The following NOL4 variants were observed in gnomAD, a reference collection of about 807,000 sequenced individuals.
NOL4 encodes the protein cancer/testis antigen 125.
In NOL4, 17 loss-of-function variants were observed where a neutral mutation model predicts 75.9. The observed-to-expected ratio is 0.22, with a 90% CI of 0.15 to 0.34. The LOEUF is 0.34. NOL4 is among the 10% of genes least tolerant of loss of function. The pLI is 1.00. For missense variants in NOL4, 614 were observed against 793.5 expected, an observed-to-expected ratio of 0.77 and a Z score of 2.72; for synonymous variants, 292 against 289.9, an observed-to-expected ratio of 1.01 and a Z score of -0.07.
At chr18:34,005,012 T>C (rs1055080235) in intron 6 of NOL4, among the ~76,000 whole-genome samples, 1 of 152,116 alleles carries the variant, frequency 6.6e-6, no homozygotes, top group Non-Finnish European at 1.5e-5. Context: ...AACTGCTAAA[T>C]TCAACTGAAA....
chr18:34,209,890 A>C (rs2036395907), intron 1 of NOL4, among the ~76,000 whole-genome samples: 1 of 152,186 alleles, frequency 6.6e-6, no homozygotes, highest in South Asian at 2.1e-4. Flanking sequence ...TTCCTCAATA[A>C]TAGGGATAAC....
rs376138428 is a variant in NOL4 at position 33,945,508 on chromosome 18, T to C, written c.1429-2330A>G. The stretch of plus-strand genomic sequence containing the variant: ...TCTACTAAAGCAGTAAAAGTTGTTA[T>C]GCATAATAATTTATGTAATTTCCTT... On this transcript the variant is annotated intron_variant, in intron 8 of 10. Transcript: ENST00000261592. Among the ~76,000 whole-genome samples, 21 of 151,934 alleles carry C rather than the reference T, an allele frequency of 1.4e-4. No individual in the cohort carries two copies. In the South Asian group the frequency reaches 2.5e-3, roughly 18 times the overall value.
rs1404625970 is a variant in NOL4, at chr18:33,890,738, TA to T, written c.1543-7315del. ...TAAGGGAGTTTAACTTATTAGACAT[TA>T]AAAATGATATTTCAACAAATCTGTT... On this transcript the variant is annotated intron_variant, in intron 9 of 10. Transcript: ENST00000261592. Among the ~76,000 whole-genome samples the T allele has an allele frequency of 3.3e-5, 5 of 152,130 alleles. No individual in the cohort carries two copies. The East Asian group carries it at 7.7e-4, about 23-fold the overall frequency.
At chr18:34,128,417 G>C (rs1160609913) in intron 2 of NOL4, among the ~76,000 whole-genome samples, 1 of 151,840 alleles carries the variant, frequency 6.6e-6, no homozygotes, top group Non-Finnish European at 1.5e-5. Context: ...ATTATTATAA[G>C]ATTACACAGT....
chr18:34,039,067 A>G (rs2076031552), intron 5 of NOL4, among the ~76,000 whole-genome samples: 1 of 152,064 alleles, frequency 6.6e-6, no homozygotes, highest in Non-Finnish European at 1.5e-5. Context: ...ATATATAAAC[A>G]ATATAGACAT....
At chr18:33,948,352 T>C (rs1429798671) in intron 8 of NOL4, among the ~76,000 whole-genome samples, 2 of 151,950 alleles carry the variant, frequency 1.3e-5, no homozygotes, top group Non-Finnish European at 2.9e-5. Flanking sequence ...ATTTGGATGG[T>C]ACGCACACAC....
chr18:34,195,603 G>A (rs1414184689), intron 1 of NOL4, among the ~76,000 whole-genome samples: 1 of 146,334 alleles, frequency 6.8e-6, no homozygotes, highest in Non-Finnish European at 1.5e-5. Flanking sequence ...AAGTTTCAAG[G>A]TTTGTAATGC....
chr18:33,982,017 T>C (rs556421859), intron 6 of NOL4, among the ~76,000 whole-genome samples: 1 of 152,122 alleles, frequency 6.6e-6, no homozygotes, highest in Non-Finnish European at 1.5e-5. Flanking sequence ...TTGCAAACTC[T>C]AGAGCAAGCA....
At chr18:34,001,827 C>T in intron 6 of NOL4, 1 of 152,462 alleles carries the variant, frequency 6.6e-6, no homozygotes, top group South Asian at 2.1e-4. Flanking sequence ...AAGACTGGAA[C>T]TCAGGTTTCA....
intron 1 of NOL4, among the ~76,000 whole-genome samples, chr18:34,146,855 G>A (rs1167669016): frequency 6.6e-6 from 1 of 152,006 alleles, no homozygotes. Context: ...CCATGAACAT[G>A]GAATGTTTTT....
intron 2 of NOL4, among the ~76,000 whole-genome samples, chr18:34,119,572 C>T (rs1053870784): frequency 6.6e-6 from 1 of 152,104 alleles, no homozygotes; most frequent in African/African-American, 2.4e-5. Flanking sequence ...CCCTTTTTTA[C>T]CTAGTTGAGA....
At chr18:34,112,724 A>G (rs2079656114) in intron 2 of NOL4, among the ~76,000 whole-genome samples, 1 of 152,140 alleles carries the variant, frequency 6.6e-6, no homozygotes, top group Non-Finnish European at 1.5e-5. Context: ...ATGAGGAGAT[A>G]TTGGTCAAAG....
intron 1 of NOL4, among the ~76,000 whole-genome samples, chr18:34,190,069 T>TAC (rs1175838149): frequency 3.0e-5 from 4 of 134,244 alleles, no homozygotes; most frequent in African/African-American, 1.1e-4. Context: ...TATCTACATA[T>TAC]ACATACACAC....
At chr18:34,078,670 C>G (rs2077856643) in intron 5 of NOL4, among the ~76,000 whole-genome samples, 1 of 152,164 alleles carries the variant, frequency 6.6e-6, no homozygotes, top group Non-Finnish European at 1.5e-5. Flanking sequence ...TCAATAATTA[C>G]TTACATGGGA....
At chr18:34,108,815 A>G (rs958011110) in intron 2 of NOL4, among the ~76,000 whole-genome samples, 9 of 152,194 alleles carry the variant, frequency 5.9e-5, no homozygotes, top group Non-Finnish European at 1.2e-4. Context: ...AGGAAACAGC[A>G]GACTTGAACA....
intron 1 of NOL4, among the ~76,000 whole-genome samples, chr18:34,172,970 T>G (rs1274196984): frequency 6.6e-6 from 1 of 152,232 alleles, no homozygotes; most frequent in Admixed American, 6.5e-5. Flanking sequence ...TCAATGTTGT[T>G]GAATTTTTTT....
intron 9 of NOL4, among the ~76,000 whole-genome samples, chr18:33,919,847 C>T (rs771195495): frequency 6.6e-6 from 1 of 152,122 alleles, no homozygotes; most frequent in Non-Finnish European, 1.5e-5. Context: ...AACTGAATAA[C>T]TATGATTACA....
intron 8 of NOL4, among the ~76,000 whole-genome samples, chr18:33,948,961 AT>A (rs1428886060): frequency 2.6e-5 from 4 of 152,046 alleles, no homozygotes; most frequent in African/African-American, 7.2e-5. Flanking sequence ...AACCTAAAAG[AT>A]TTTTCAGAAA....
At chr18:34,176,555 A>G (rs1190987415) in intron 1 of NOL4, among the ~76,000 whole-genome samples, 2 of 152,086 alleles carry the variant, frequency 1.3e-5, no homozygotes, top group East Asian at 1.9e-4. Context: ...CTAACCAAAT[A>G]TAATGGTATT....
Sources: allele counts gnomAD v4.1 joint callset (sites outside exome capture counted in the v4.1 genomes callset), GRCh38; gene constraint gnomAD v4.1.1; transcripts MANE v1.5; gene names NCBI Gene and HGNC (gene_info 2026-07-23, HGNC 2026-07-21).